Variants in USP6 observed in about 807,000 individuals in gnomAD.
USP6 encodes the protein ubiquitin specific peptidase 6.
USP6 carries 128 observed loss-of-function variants against 175.7 expected under a neutral mutation model. The observed-to-expected ratio is 0.73, with a 90% CI of 0.63 to 0.84. The LOEUF (loss-of-function observed/expected upper bound fraction) is 0.84. Ranked by LOEUF, USP6 falls within the 40% of genes least tolerant of loss-of-function variation. The pLI is 0.00. For missense variants in USP6, 1,498 were observed against 1,760.3 expected (o/e 0.85, Z 2.67); for synonymous variants, 562 against 630.6 (o/e 0.89, Z 1.63).
At chr17:5,151,682 G>T (rs1647625026) in intron 30 of USP6, among the ~76,000 whole-genome samples, 1 of 152,164 alleles carries the variant, frequency 6.6e-6, no homozygotes, top group Admixed American at 6.6e-5. Context: ...AGAGAGCCCA[G>T]AAACCAGTTC....
At chr17:5,145,346 A>G (rs1317382028) in intron 26 of USP6, 59 bp from the exon 27 acceptor site, 1 of 1,498,798 alleles carries the variant, frequency 6.7e-7, no homozygotes, top group Non-Finnish European at 8.9e-7. Flanking sequence ...CTGTGAATTT[A>G]TATAGAAATG....
intron 33 of USP6, among the ~76,000 whole-genome samples, chr17:5,166,491 G>C (rs1451200200): frequency 6.6e-6 from 1 of 152,126 alleles, no homozygotes; most frequent in Non-Finnish European, 1.5e-5. Flanking sequence ...ATGAGTTTCA[G>C]GAAGGGAAAT....
rs2074256329 is a variant in USP6 at position 5,172,798 on chromosome 17, C to G, written c.4048-7C>G. 6.2e-7 allele frequency: 1 copy of G among 1,612,630 alleles called. No individual in the cohort carries two copies. Among genetic ancestry groups the G allele is most frequent in the African/African-American group, 1.3e-5 (1 of 74,860 alleles). ...CTTTTTGTTAAAGGTTTTTCTTGCC[C>G]TTTCAGGAACTTCACCCTGATGAAA... On this transcript the variant is annotated splice_region_variant and splice_polypyrimidine_tract_variant and intron_variant, in intron 37 of 37. Coordinates refer to ENST00000574788, the MANE Select transcript of USP6 (RefSeq NM_001304284.2).
At chr17:5,162,489 CA>C (rs2074023919) in intron 32 of USP6, among the ~76,000 whole-genome samples, 1 of 152,128 alleles carries the variant, frequency 6.6e-6, no homozygotes, top group South Asian at 2.1e-4. Context: ...TGCCATTTTA[CA>C]AACAAGGAGA....
chr17:5,157,672 G>A (rs1190462661), intron 31 of USP6, among the ~76,000 whole-genome samples: 3 of 151,608 alleles, frequency 2.0e-5, no homozygotes, highest in Admixed American at 1.3e-4. Context: ...TTGCTCTGTC[G>A]CCAGGCTGGA....
In USP6 at chr17:5,139,475, C is replaced by G; in HGVS notation, c.1299C>G (p.Pro433=). The G allele has an allele frequency of 1.2e-6, 2 of 1,613,380 alleles. No homozygotes were observed. The highest frequency in any genetic ancestry group is 8.5e-7 in the Non-Finnish European group (1 of 1,180,036). The change falls in exon 22 of 38, where the codon CCC becomes CCG. Residue 433 remains proline, a synonymous_variant. Coordinates refer to ENST00000574788, the MANE Select transcript of USP6 (RefSeq NM_001304284.2). ...DTYPVGTQGV[P]SLALAQGGPQ... ...ACCCTGTGGGCACTCAGGGTGTGCC[C>G]AGCCTGGCCCTGGCTCAGGGAGGAC...
In USP6 at chr17:5,130,587, C is replaced by G. The variant is rs1228520505; in HGVS notation, c.73-15C>G. 4.3e-6 allele frequency: 7 copies of G among 1,613,652 alleles called. No individual in the cohort carries two copies. The Admixed American group carries it at 6.7e-5, about 15-fold the overall frequency. ...TTACCTTGGACCCCTCACCAAGGCT[C>G]CCTCTGGGTTACAGGGACACCGAGC... On this transcript the variant is annotated splice_polypyrimidine_tract_variant and intron_variant, in intron 10 of 37. Transcript: ENST00000574788.
At position 5,132,521 on chromosome 17, in the gene USP6, G is replaced by A. The variant is rs1597995202; in HGVS notation, c.195+86G>A. 1 of 1,609,050 alleles carries A rather than the reference G, an allele frequency of 6.2e-7. No homozygotes were observed. The highest frequency in any genetic ancestry group is 2.2e-5 in the East Asian group (1 of 44,868). On this transcript the variant is annotated intron_variant, in intron 12 of 37. Coordinates refer to ENST00000574788, the MANE Select transcript of USP6 (RefSeq NM_001304284.2). This position sits in a 1 kb window ranked among gnomAD's most constrained non-coding sequence, Gnocchi z 4.7. ...TGAGGCAGAGGAAGCAGCTGGCCTG[G>A]GCGGTGGCGGGTGAGGGCAACACGC...
intron 4 of USP6, chr17:5,123,061 G>A (rs1347774359): frequency 6.5e-6 from 1 of 153,250 alleles, no homozygotes; most frequent in Admixed American, 6.5e-5. Flanking sequence ...ACCTGGGCTG[G>A]ATCCTTAGGC....
chr17:5,131,628 G>A (rs574113919), intron 11 of USP6, among the ~76,000 whole-genome samples: 1 of 151,394 alleles, frequency 6.6e-6, no homozygotes, highest in Non-Finnish European at 1.5e-5. Flanking sequence ...GAATGGGGGA[G>A]AAGATGGGCA....
chr17:5,171,936 C>T (rs1036435731), intron 37 of USP6, among the ~76,000 whole-genome samples: 1 of 150,356 alleles, frequency 6.7e-6, no homozygotes, highest in Non-Finnish European at 1.5e-5. Context: ...GAGGCTGAGG[C>T]AGGCTTAGGA....
chr17:5,145,874 C>T, intron 27 of USP6, 149 bp from the exon 28 acceptor site: 1 of 1,196,470 alleles, frequency 8.4e-7, no homozygotes, highest in East Asian at 2.8e-5. Context: ...TCCCTAAGTA[C>T]CATCTGTTTT....
intron 32 of USP6, among the ~76,000 whole-genome samples, chr17:5,161,862 A>G (rs1304978959): frequency 6.6e-6 from 1 of 152,092 alleles, no homozygotes; most frequent in Admixed American, 6.5e-5. Context: ...AAATACAAAA[A>G]TTAGTGGGGC....
intron 2 of USP6, among the ~76,000 whole-genome samples, chr17:5,119,902 C>G (rs1391324600): frequency 6.6e-6 from 1 of 152,122 alleles, no homozygotes; most frequent in Non-Finnish European, 1.5e-5. Flanking sequence ...AGGGACCCCT[C>G]CTTCAGGTCT....
In USP6 at chr17:5,137,739, A is replaced by G; in HGVS notation, c.914A>G (p.Lys305Arg). The G allele has an allele frequency of 6.2e-7, 1 of 1,608,318 alleles. No individual in the cohort carries two copies. Residue 305 changes from lysine (K) to arginine (R), a missense_variant, in exon 20 of 38, where the codon AAG (lysine) becomes AGG (arginine). This residue lies in a region of USP6 where 1,217 missense variants were observed against 1,500.8 expected (regional missense o/e 0.81). Coordinates refer to ENST00000574788, the MANE Select transcript of USP6 (RefSeq NM_001304284.2). ...ATGCCAATAACCAGCATTGCTCTTAAGGTTCAGCAGAGTAAGTCTACGTGT... is the reference window on the plus strand; with the variant it reads ...ATGCCAATAACCAGCATTGCTCTTAGGGTTCAGCAGAGTAAGTCTACGTGT... Reference protein sequence around the residue: ...VLMPITSIALKVQQKRLMKTS... With the variant: ...VLMPITSIALRVQQKRLMKTS...
At chr17:5,152,936 C>T (rs1408736199) in intron 30 of USP6, among the ~76,000 whole-genome samples, 1 of 152,188 alleles carries the variant, frequency 6.6e-6, no homozygotes, top group Non-Finnish European at 1.5e-5. Context: ...GTGGAGGTTG[C>T]AGCAAGCTGA....
rs933473309 is a variant in USP6 at position 5,116,156 on chromosome 17, G to A, written c.-2512G>A. On this transcript the variant is annotated 5_prime_UTR_variant, in exon 1 of 38. Transcript: ENST00000574788. ...CTCACTCGACGCTACCTTGGCGGCC[G>A]CGCCCATGCTGTCCCCGCTCCAACT... is the stretch of plus-strand genomic sequence containing the variant. Among the ~76,000 whole-genome samples, 11 of 152,192 alleles carry A rather than the reference G, an allele frequency of 7.2e-5. No individual in the cohort carries two copies. The highest frequency in any genetic ancestry group is 2.2e-4 in the African/African-American group (9 of 41,464).
chr17:5,134,188 T>C, intron 15 of USP6, 192 bp downstream of exon 15: 3 of 616,502 alleles, frequency 4.9e-6, no homozygotes, highest in Non-Finnish European at 5.7e-6. Context: ...GGCTGGAACA[T>C]GTGGGGCCAG....
At chr17:5,151,556 G>T (rs1352700215) in intron 30 of USP6, among the ~76,000 whole-genome samples, 1 of 151,910 alleles carries the variant, frequency 6.6e-6, no homozygotes, top group Admixed American at 6.6e-5. Context: ...TAAGGTATGA[G>T]GATATCATCA....
Sources: allele counts gnomAD v4.1 joint callset (sites outside exome capture counted in the v4.1 genomes callset), GRCh38; gene constraint gnomAD v4.1.1; regional missense constraint gnomAD v4.1.1; non-coding constraint Gnocchi (gnomAD v3.1); transcripts MANE v1.5; gene names NCBI Gene and HGNC (gene_info 2026-07-23, HGNC 2026-07-21).